The following IGFL2 variants were observed in gnomAD, a reference collection of about 807,000 sequenced individuals.
The protein encoded by IGFL2 is IGF like family member 2.
A neutral mutation model predicts 13.9 loss-of-function variants in IGFL2; 7 were observed. The ratio of observed to expected loss-of-function variants is 0.51; its 90% confidence interval spans 0.29 to 0.95. The LOEUF (loss-of-function observed/expected upper bound fraction) is 0.95, where lower values mean the gene tolerates loss of function less well. Ranked by LOEUF, IGFL2 falls within the 40% of genes least tolerant of loss-of-function variation. IGFL2 has a pLI of 0.08. For synonymous variants in IGFL2, 55 were observed against 55.8 expected, an observed-to-expected ratio of 0.99 and a Z score of 0.07; for missense variants, 138 against 147.8, an observed-to-expected ratio of 0.93 and a Z score of 0.34.
At chr19:46,096,588 T>C in the IGFL2 span, among the ~76,000 whole-genome samples, 2 of 152,158 alleles carry the variant, frequency 1.3e-5, no homozygotes, top group African/African-American at 2.4e-5. Flanking sequence ...AGGGTATCCT[T>C]GTCTTGTGCC....
rs577911961 is a variant in IGFL2, at chr19:46,150,467, A to G, written c.19+2170A>G. 6.6e-4 allele frequency among the ~76,000 whole-genome samples: 101 copies of G among 152,270 alleles called. 2 individuals are homozygous for G. In the South Asian group the frequency reaches 0.019, roughly 29 times the overall value. On this transcript the variant is annotated intron_variant, in intron 1 of 3. Transcript: ENST00000377693. ...CTCGAGGTCATTAAGACTTACTTGTATGTTTTCTGCTAGGAATCTTTTTAA... is the reference window on the plus strand; with the variant it reads ...CTCGAGGTCATTAAGACTTACTTGTGTGTTTTCTGCTAGGAATCTTTTTAA...
the IGFL2 span, among the ~76,000 whole-genome samples, chr19:46,174,595 AC>A: frequency 6.6e-6 from 1 of 152,234 alleles, no homozygotes; most frequent in Non-Finnish European, 1.5e-5. Flanking sequence ...AAGTAAAGGC[AC>A]CTCCATATAA....
the IGFL2 span, among the ~76,000 whole-genome samples, chr19:46,187,528 G>A: frequency 7.6e-6 from 1 of 131,300 alleles, no homozygotes; most frequent in Non-Finnish European, 1.6e-5. Context: ...GATCAGAGAT[G>A]GTGAGCATTA....
upstream of IGFL2, among the ~76,000 whole-genome samples, chr19:46,142,286 A>G (rs1972894004): frequency 6.6e-6 from 1 of 152,252 alleles, no homozygotes; most frequent in Non-Finnish European, 1.5e-5. Flanking sequence ...AGAAACTTGC[A>G]TTCTATTATT....
At chr19:46,193,995 C>A in the IGFL2 span, among the ~76,000 whole-genome samples, 3 of 152,154 alleles carry the variant, frequency 2.0e-5, no homozygotes, top group Non-Finnish European at 4.4e-5. Flanking sequence ...AGAAACTTTG[C>A]GGTCATCAGA....
the IGFL2 span, among the ~76,000 whole-genome samples, chr19:46,191,351 A>G: frequency 2.0e-5 from 3 of 152,224 alleles, no homozygotes; most frequent in South Asian, 6.2e-4. Flanking sequence ...GCTATTCCTC[A>G]CTGAATTTTC....
At chr19:46,140,870 T>C (rs1453178565), upstream of IGFL2, among the ~76,000 whole-genome samples, 1 of 152,088 alleles carries the variant, frequency 6.6e-6, no homozygotes, top group African/African-American at 2.4e-5. Context: ...TCTAAGAGTT[T>C]TACCTCCAGG....
chr19:46,117,355 G>C, the IGFL2 span, among the ~76,000 whole-genome samples: 2 of 152,102 alleles, frequency 1.3e-5, no homozygotes, highest in Non-Finnish European at 1.5e-5. Context: ...AAAGTGCTAG[G>C]ATTACAGGTG....
chr19:46,137,010 C>T, the IGFL2 span: 4 of 1,576,992 alleles, frequency 2.5e-6, no homozygotes, highest in South Asian at 4.4e-5. Context: ...GAGAAAGGGA[C>T]ATCTTTCAAT....
the IGFL2 span, among the ~76,000 whole-genome samples, chr19:46,171,536 A>T: frequency 6.6e-6 from 1 of 152,146 alleles, no homozygotes; most frequent in Non-Finnish European, 1.5e-5. Flanking sequence ...ATTTTTCTCT[A>T]TCTCCATTTT....
At chr19:46,136,852 G>C in the IGFL2 span, 2 of 723,270 alleles carry the variant, frequency 2.8e-6, no homozygotes, top group African/African-American at 3.4e-5. Flanking sequence ...ATTGGAGTAG[G>C]GGGAGGAGTG....
chr19:46,156,113 A>C (rs1234354117), intron 1 of IGFL2, among the ~76,000 whole-genome samples: 4 of 152,196 alleles, frequency 2.6e-5, no homozygotes, highest in Non-Finnish European at 4.4e-5. Flanking sequence ...CACCGTGCCC[A>C]ACCATCACTT....
the IGFL2 span, among the ~76,000 whole-genome samples, chr19:46,102,694 GGATGTATAT>G: frequency 6.6e-6 from 1 of 152,154 alleles, no homozygotes; most frequent in Non-Finnish European, 1.5e-5. Flanking sequence ...CAGGCCATCT[GGATGTATAT>G]GTGCAGGTCA....
At chr19:46,169,170 C>G in the IGFL2 span, among the ~76,000 whole-genome samples, 2 of 152,062 alleles carry the variant, frequency 1.3e-5, no homozygotes, top group Non-Finnish European at 2.9e-5. Flanking sequence ...TGCACCAGTG[C>G]ACTCCAGTCT....
At chr19:46,151,120 C>A (rs1177944614) in intron 1 of IGFL2, among the ~76,000 whole-genome samples, 4 of 152,196 alleles carry the variant, frequency 2.6e-5, no homozygotes, top group Non-Finnish European at 5.9e-5. Flanking sequence ...CTCTCTACTT[C>A]TATGAGTTCA....
the IGFL2 span, chr19:46,197,433 C>T: frequency 1.9e-3 from 298 of 155,492 alleles, 1 homozygote; most frequent in Non-Finnish European, 3.3e-3. Context: ...TTCTTCCTCC[C>T]TTCGTTTTTA....
At chr19:46,173,293 T>C in the IGFL2 span, among the ~76,000 whole-genome samples, 1 of 152,268 alleles carries the variant, frequency 6.6e-6, no homozygotes, top group Admixed American at 6.5e-5. Context: ...GAAGGTGAAT[T>C]GTATGATGTG....
the IGFL2 span, among the ~76,000 whole-genome samples, chr19:46,106,337 A>C: frequency 6.6e-6 from 1 of 152,170 alleles, no homozygotes; most frequent in African/African-American, 2.4e-5. Flanking sequence ...AAAATTTTGA[A>C]TAAGGTGAGA....
the IGFL2 span, among the ~76,000 whole-genome samples, chr19:46,174,630 G>T: frequency 1.2e-4 from 18 of 152,244 alleles, no homozygotes; most frequent in East Asian, 3.3e-3. Context: ...AGTGGGTAGG[G>T]CAATAGGAAA....
Sources: allele counts gnomAD v4.1 joint callset (sites outside exome capture counted in the v4.1 genomes callset), GRCh38; gene constraint gnomAD v4.1.1; transcripts MANE v1.5; gene names NCBI Gene and HGNC (gene_info 2026-07-23, HGNC 2026-07-21).